Variants in SATB2 observed in about 807,000 individuals in gnomAD.
The protein encoded by SATB2 is DNA-binding protein SATB2.
In SATB2, 1 loss-of-function variant was observed where a neutral mutation model predicts 73.4. That is an observed-to-expected ratio of 0.01 (90% CI 0.00 to 0.06). The LOEUF (loss-of-function observed/expected upper bound fraction) is 0.06. Among genes scored for constraint, SATB2 ranks in the 10% least tolerant of loss-of-function variants. The pLI is 1.00. For missense variants in SATB2, 459 were observed against 945.8 expected, an observed-to-expected ratio of 0.49 and a Z score of 6.75; for synonymous variants, 397 against 367.0, an observed-to-expected ratio of 1.08 and a Z score of -0.93.
chr2:199,421,315 G>A (rs557645389), intron 3 of SATB2, among the ~76,000 whole-genome samples: 6 of 152,236 alleles, frequency 3.9e-5, no homozygotes, highest in African/African-American at 1.4e-4. Flanking sequence ...CAGGACCTGA[G>A]GTCCCATAGA....
At chr2:199,466,357 T>A (rs1692593244), upstream of SATB2, among the ~76,000 whole-genome samples, 2 of 152,142 alleles carry the variant, frequency 1.3e-5, no homozygotes, top group South Asian at 4.1e-4. Flanking sequence ...TCCCAGAGGA[T>A]CACAGACAAC....
chr2:199,462,008 A>G (rs1574651948), upstream of SATB2, among the ~76,000 whole-genome samples: 1 of 152,148 alleles, frequency 6.6e-6, no homozygotes. This position sits in a 1 kb window ranked among gnomAD's most constrained non-coding sequence, Gnocchi z 5.9. Flanking sequence ...CGGGCGCGGG[A>G]CTTCGGCTCT....
chr2:199,376,021 C>T (rs1163707975), intron 5 of SATB2, among the ~76,000 whole-genome samples: 2 of 152,186 alleles, frequency 1.3e-5, no homozygotes, highest in African/African-American at 4.8e-5. Flanking sequence ...AATAGGCGCG[C>T]TTATCTCCAC....
chr2:199,289,823 G>A lies in SATB2; in HGVS notation c.1741-17151C>T, dbSNP rs537119103. On this transcript the variant is annotated intron_variant, in intron 10 of 10. Transcript: ENST00000417098. ...AAACTCCACATCTAGTTGATCCCAC[G>A]TGTTGCTGATTATTCCTTTTAAACA... Among the ~76,000 whole-genome samples, 10 of 152,210 alleles carry A rather than the reference G, an allele frequency of 6.6e-5. No homozygotes were observed. The East Asian group carries it at 1.4e-3, about 21-fold the overall frequency.
At chr2:199,277,868 T>C (rs994185) in intron 10 of SATB2, among the ~76,000 whole-genome samples, 119,910 of 152,076 alleles carry the variant, frequency 0.79, 49,172 homozygotes, top group Non-Finnish European at 0.89. Context: ...GTTCCAAAAG[T>C]GTAGATAATT....
intron 10 of SATB2, among the ~76,000 whole-genome samples, chr2:199,288,612 A>G (rs1292977302): frequency 6.6e-6 from 1 of 152,236 alleles, no homozygotes; most frequent in Non-Finnish European, 1.5e-5. Flanking sequence ...CCAAGAAAAT[A>G]CTACCTCAGC....
Position 199,455,751 on chromosome 2 carries a change from C to G in SATB2, c.169+118G>C. 1 of 1,181,980 alleles carries G rather than the reference C, an allele frequency of 8.5e-7. No homozygotes were observed. The highest frequency in any genetic ancestry group is 1.2e-6 in the Non-Finnish European group (1 of 833,626). 73.2% of individuals were successfully genotyped at this position (1,181,980 alleles called of 1,614,324 possible). ...AGGCGACGGGGGCATTATTTGGCAA[C>G]CTGGAATTCACTTCCTGTAATCCTA... is the stretch of plus-strand genomic sequence containing the variant. On this transcript the variant is annotated intron_variant, in intron 2 of 10. Coordinates refer to ENST00000417098, the MANE Select transcript of SATB2 (RefSeq NM_001172509.2). This position sits in a 1 kb window ranked among gnomAD's most constrained non-coding sequence, Gnocchi z 4.1.
intron 2 of SATB2, among the ~76,000 whole-genome samples, chr2:199,439,738 C>G (rs1691755662): frequency 6.6e-6 from 1 of 152,142 alleles, no homozygotes; most frequent in Admixed American, 6.5e-5. Context: ...CAATCATACA[C>G]ATACATACTG....
intron 3 of SATB2, among the ~76,000 whole-genome samples, chr2:199,426,692 C>CAAAAAAAAAA (rs200293007): frequency 8.6e-5 from 11 of 128,158 alleles, no homozygotes; most frequent in African/African-American, 2.3e-4. Context: ...CATTCTCTCT[C>CAAAAAAAAAA]AAAAAAAAAA....
intron 8 of SATB2, among the ~76,000 whole-genome samples, chr2:199,324,522 G>A (rs534346708): frequency 6.6e-6 from 1 of 152,148 alleles, no homozygotes; most frequent in African/African-American, 2.4e-5. Context: ...CAGTGGAAAT[G>A]AAACAAAATT....
At chr2:199,410,095 G>A (rs1690766979) in intron 3 of SATB2, among the ~76,000 whole-genome samples, 1 of 152,134 alleles carries the variant, frequency 6.6e-6, no homozygotes, top group African/African-American at 2.4e-5. Context: ...TTTTCTGTGT[G>A]TGTTAGTTTA....
intron 6 of SATB2, among the ~76,000 whole-genome samples, chr2:199,359,298 A>C (rs1244535215): frequency 6.6e-6 from 1 of 152,188 alleles, no homozygotes; most frequent in Non-Finnish European, 1.5e-5. Context: ...TAGCTGTGAA[A>C]ACCTCAAAGG....
intron 10 of SATB2, among the ~76,000 whole-genome samples, chr2:199,286,027 T>C (rs6745135): frequency 0.76 from 115,094 of 151,888 alleles, 46,450 homozygotes; most frequent in Non-Finnish European, 0.89. Flanking sequence ...GCTGTTAAAC[T>C]TGGGTTTTGG....
chr2:199,286,760 T>C (rs1236433875), intron 10 of SATB2, among the ~76,000 whole-genome samples: 22 of 152,206 alleles, frequency 1.4e-4, no homozygotes, highest in Admixed American at 9.8e-4. Flanking sequence ...CAGATTAAAG[T>C]GTCTTTAAAG....
At chr2:199,402,018 A>G (rs538193394) in intron 3 of SATB2, among the ~76,000 whole-genome samples, 1 of 152,084 alleles carries the variant, frequency 6.6e-6, no homozygotes, top group Non-Finnish European at 1.5e-5. Context: ...CCAGGTGAGA[A>G]GAGAGGGCCA....
intron 7 of SATB2, among the ~76,000 whole-genome samples, chr2:199,337,022 T>C (rs1282056611): frequency 6.6e-6 from 1 of 152,224 alleles, no homozygotes; most frequent in Non-Finnish European, 1.5e-5. Context: ...ATGCCTAGTA[T>C]AGTTTCTGAA....
intron 3 of SATB2, among the ~76,000 whole-genome samples, chr2:199,409,994 CTTTT>C (rs749493655): frequency 2.6e-4 from 37 of 140,398 alleles, no homozygotes; most frequent in South Asian, 8.7e-4. Context: ...CCATCACTGA[CTTTT>C]TTTCTTTCTT....
chr2:199,384,786 T>C (rs952895879), intron 3 of SATB2, among the ~76,000 whole-genome samples: 1 of 152,160 alleles, frequency 6.6e-6, no homozygotes, highest in Non-Finnish European at 1.5e-5. Flanking sequence ...AAAGTACTGA[T>C]CTTACAAGAA....
At chr2:199,409,537 T>G (rs1167378178) in intron 3 of SATB2, among the ~76,000 whole-genome samples, 1 of 152,226 alleles carries the variant, frequency 6.6e-6, no homozygotes, top group Non-Finnish European at 1.5e-5. Context: ...ACGACTTCAC[T>G]GAAGGAATAG....
Sources: gnomAD v4.1 joint callset for allele counts (sites outside exome capture counted in the v4.1 genomes callset) on GRCh38, gnomAD v4.1.1 for gene constraint, Gnocchi (gnomAD v3.1) non-coding constraint, MANE v1.5 for transcripts, NCBI Gene and HGNC (gene_info 2026-07-23, HGNC 2026-07-21) for gene names.